TBC1D5: variants seen among roughly 807,000 people sequenced by gnomAD.
The protein encoded by TBC1D5 is TBC1 domain family member 5.
Under a neutral mutation model 100.3 loss-of-function variants are expected in TBC1D5, and 75 were observed. The observed-to-expected ratio is 0.75, with a 90% CI of 0.62 to 0.91. The LOEUF is 0.91. Among genes scored for constraint, TBC1D5 ranks in the 40% least tolerant of loss-of-function variants. The pLI, the probability that TBC1D5 is intolerant of heterozygous loss-of-function variation, is 0.00. For missense variants in TBC1D5, 910 were observed against 942.4 expected (o/e 0.97, Z 0.45); for synonymous variants, 323 against 325.6 (o/e 0.99, Z 0.09).
At chr3:17,699,180 T>G (rs1251836098) in intron 1 of TBC1D5, among the ~76,000 whole-genome samples, 18 of 122,548 alleles carry the variant, frequency 1.5e-4, no homozygotes, top group East Asian at 5.8e-4. Flanking sequence ...TAAGAAAATG[T>G]GGCACATATA....
intron 3 of TBC1D5, among the ~76,000 whole-genome samples, chr3:17,468,433 A>T (rs890636475): frequency 6.6e-6 from 1 of 152,172 alleles, no homozygotes; most frequent in Non-Finnish European, 1.5e-5. Context: ...GCAACTTATA[A>T]TAACTTATAA....
intron 3 of TBC1D5, among the ~76,000 whole-genome samples, chr3:17,445,326 T>C (rs936642302): frequency 3.3e-5 from 5 of 152,070 alleles, no homozygotes; most frequent in African/African-American, 9.7e-5. Context: ...CTTTTTTTCT[T>C]AAAGAGGACG....
chr3:17,566,050 A>T (rs2096591550), intron 2 of TBC1D5, among the ~76,000 whole-genome samples: 2 of 151,840 alleles, frequency 1.3e-5, no homozygotes, highest in South Asian at 4.2e-4. Context: ...TTCAGTAGAG[A>T]AAAAAAATCA....
At chr3:17,401,224 C>T (rs1214088674) in intron 8 of TBC1D5, among the ~76,000 whole-genome samples, 1 of 148,570 alleles carries the variant, frequency 6.7e-6, no homozygotes, top group Admixed American at 6.8e-5. Flanking sequence ...TGTGTGTGTA[C>T]ATACACACAC....
rs531934784 is a variant in TBC1D5, at chr3:17,381,663, AT to A, written c.612+2249del. ...TCCCAAAAGAATTCTACACTAATAGATTTTTTCCCCCAGTCTCCTTTTTGGT... is the reference window on the plus strand; with the variant it reads ...TCCCAAAAGAATTCTACACTAATAGATTTTTCCCCCAGTCTCCTTTTTGGT... On this transcript the variant is annotated intron_variant, in intron 9 of 21. Transcript: ENST00000253692. 9.0e-4 allele frequency among the ~76,000 whole-genome samples: 136 copies of A among 151,910 alleles called. 2 individuals are homozygous for A. Among genetic ancestry groups the A allele is most frequent in the Non-Finnish European group, 1.6e-3 (107 of 67,902 alleles).
chr3:17,370,281 C>A (rs1381405510), intron 13 of TBC1D5, among the ~76,000 whole-genome samples: 2 of 152,192 alleles, frequency 1.3e-5, no homozygotes. Context: ...TGTTCAACAT[C>A]AACTTCTTTC....
At chr3:17,592,678 A>G (rs2060307898) in intron 2 of TBC1D5, among the ~76,000 whole-genome samples, 1 of 152,196 alleles carries the variant, frequency 6.6e-6, no homozygotes, top group Admixed American at 6.5e-5. Context: ...CTATTGTGCA[A>G]GCTGCTCTGC....
Position 17,378,587 on chromosome 3 carries a change from T to C in TBC1D5, c.613-1974A>G, listed in dbSNP as rs545707480. On this transcript the variant is annotated intron_variant, in intron 9 of 21. Transcript: ENST00000253692. ...ACCAATGAAAGGTATTAACCCTTTG[T>C]AATTTTTGTTACAAACATTTTACCA... Among the ~76,000 whole-genome samples, 3 of 152,034 alleles carry C rather than the reference T, an allele frequency of 2.0e-5. No individual in the cohort carries two copies. In the South Asian group the frequency reaches 6.2e-4, roughly 32 times the overall value.
At chr3:17,488,489 T>C (rs964885459) in intron 3 of TBC1D5, among the ~76,000 whole-genome samples, 18 of 152,276 alleles carry the variant, frequency 1.2e-4, no homozygotes, top group African/African-American at 4.3e-4. Context: ...CTTGGGTAAA[T>C]ACCAAGGAGC....
intron 2 of TBC1D5, among the ~76,000 whole-genome samples, chr3:17,598,006 C>T (rs2060684887): frequency 8.2e-6 from 1 of 121,948 alleles, no homozygotes; most frequent in East Asian, 1.9e-4. Context: ...CCCTGCCCCC[C>T]CGCCCCCCAA....
chr3:17,290,224 T>C (rs1263379494), intron 15 of TBC1D5, among the ~76,000 whole-genome samples: 1 of 152,234 alleles, frequency 6.6e-6, no homozygotes, highest in African/African-American at 2.4e-5. Context: ...TTAAAGAATC[T>C]ATATTTTAAT....
At chr3:17,223,536 C>T (rs528331919) in intron 17 of TBC1D5, among the ~76,000 whole-genome samples, 33 of 152,116 alleles carry the variant, frequency 2.2e-4, no homozygotes, top group Non-Finnish European at 4.1e-4. Flanking sequence ...CTAGAAGCAT[C>T]GTAAGTTAAA....
Position 17,438,476 on chromosome 3 carries a change from C to T in TBC1D5, c.98-9957G>A, listed in dbSNP as rs1224597153. Among the ~76,000 whole-genome samples, 3 of 152,054 alleles carry T rather than the reference C, an allele frequency of 2.0e-5. No individual in the cohort carries two copies. The East Asian group carries it at 5.8e-4, about 29-fold the overall frequency. On this transcript the variant is annotated intron_variant, in intron 3 of 21. Transcript: ENST00000253692. ...TCTCATGATAGTGAGTTAGTTCTCACGAGATCTGATGGTTTTATAAGGGGA... is the reference window on the plus strand; with the variant it reads ...TCTCATGATAGTGAGTTAGTTCTCATGAGATCTGATGGTTTTATAAGGGGA...
intron 3 of TBC1D5, among the ~76,000 whole-genome samples, chr3:17,436,163 G>C (rs1030170775): frequency 6.6e-6 from 1 of 152,180 alleles, no homozygotes; most frequent in Admixed American, 6.5e-5. Flanking sequence ...AGGCATTAAA[G>C]TATCATAATT....
intron 1 of TBC1D5, among the ~76,000 whole-genome samples, chr3:17,651,444 A>AC (rs1273825983): frequency 1.3e-5 from 2 of 152,214 alleles, no homozygotes; most frequent in Non-Finnish European, 2.9e-5. Context: ...TTGTTAAGAG[A>AC]TGGTTTCAGC....
intron 20 of TBC1D5, among the ~76,000 whole-genome samples, chr3:17,167,232 C>G (rs560043255): frequency 6.6e-6 from 1 of 152,324 alleles, no homozygotes; most frequent in South Asian, 2.1e-4. Flanking sequence ...TGTACACCCA[C>G]CCCCACTGCA....
intron 8 of TBC1D5, among the ~76,000 whole-genome samples, chr3:17,402,253 C>T (rs7651278): frequency 0.39 from 59,800 of 151,822 alleles, 12,431 homozygotes; most frequent in Middle Eastern, 0.46. Context: ...TATCAGAGAG[C>T]GAGAGGCCTT....
intron 1 of TBC1D5, among the ~76,000 whole-genome samples, chr3:17,645,599 C>T (rs557729845): frequency 2.8e-4 from 42 of 152,094 alleles, no homozygotes; most frequent in Non-Finnish European, 5.1e-4. Flanking sequence ...AAGTAACACT[C>T]TCTCTTTAGT....
intron 19 of TBC1D5, among the ~76,000 whole-genome samples, chr3:17,183,613 T>C (rs914386153): frequency 6.6e-6 from 1 of 152,166 alleles, no homozygotes; most frequent in African/African-American, 2.4e-5. Context: ...GCCCTTTCCC[T>C]GCAGGAGTGG....
Sources: allele counts gnomAD v4.1 joint callset (sites outside exome capture counted in the v4.1 genomes callset), GRCh38; gene constraint gnomAD v4.1.1; transcripts MANE v1.5; gene names NCBI Gene and HGNC (gene_info 2026-07-23, HGNC 2026-07-21).